Variants in CCDC91 observed in about 807,000 individuals in gnomAD.
The protein encoded by CCDC91 is coiled-coil domain-containing protein 91.
In CCDC91, 48 loss-of-function variants were observed where a neutral mutation model predicts 63.2. The observed-to-expected ratio is 0.76, with a 90% CI of 0.60 to 0.97. The LOEUF (loss-of-function observed/expected upper bound fraction) is 0.97. Among genes scored for constraint, CCDC91 ranks in the 50% least tolerant of loss-of-function variants. The pLI, the probability that CCDC91 is intolerant of heterozygous loss-of-function variation, is 0.00. For missense variants in CCDC91, 500 were observed against 494.6 expected (o/e 1.01, Z -0.10); for synonymous variants, 167 against 165.8 (o/e 1.01, Z -0.06).
chr12:28,495,358 T>A (rs1459611271), intron 12 of CCDC91, among the ~76,000 whole-genome samples: 2 of 151,728 alleles, frequency 1.3e-5, no homozygotes, highest in Non-Finnish European at 2.9e-5. Flanking sequence ...TAAGTTGGAC[T>A]TTTTTGGATG....
chr12:28,394,665 T>C (rs1946171646), intron 8 of CCDC91, among the ~76,000 whole-genome samples: 1 of 149,158 alleles, frequency 6.7e-6, no homozygotes, highest in Non-Finnish European at 1.5e-5. Context: ...ATCTAATAGC[T>C]GGATGGTTCC....
intron 8 of CCDC91, among the ~76,000 whole-genome samples, chr12:28,421,974 C>T (rs1314767312): frequency 6.6e-6 from 1 of 152,060 alleles, no homozygotes; most frequent in Non-Finnish European, 1.5e-5. Context: ...ACTTGTTGTG[C>T]TTTTCTAATT....
At chr12:28,324,955 A>G (rs191309459) in intron 6 of CCDC91, among the ~76,000 whole-genome samples, 1 of 152,028 alleles carries the variant, frequency 6.6e-6, no homozygotes, top group East Asian at 1.9e-4. Flanking sequence ...AATTTTATGA[A>G]CGAATGTCAC....
At chr12:28,351,921 C>T (rs1436548475) in intron 6 of CCDC91, among the ~76,000 whole-genome samples, 5 of 152,142 alleles carry the variant, frequency 3.3e-5, no homozygotes, top group Admixed American at 6.5e-5. Flanking sequence ...TGCTATTAGA[C>T]AAACAAGTTC....
intron 6 of CCDC91, among the ~76,000 whole-genome samples, chr12:28,353,077 C>G (rs1478467712): frequency 1.3e-5 from 2 of 152,232 alleles, no homozygotes; most frequent in Non-Finnish European, 2.9e-5. Context: ...AGTTCTACAT[C>G]AGTACTTGCT....
At chr12:28,458,451 A>G in intron 11 of CCDC91, among the ~76,000 whole-genome samples, 1 of 86,260 alleles carries the variant, frequency 1.2e-5, no homozygotes. Flanking sequence ...CCTCATTTGC[A>G]CACCTTTTTT....
intron 8 of CCDC91, among the ~76,000 whole-genome samples, chr12:28,432,545 T>C (rs1565963197): frequency 6.6e-6 from 1 of 152,122 alleles, no homozygotes; most frequent in Non-Finnish European, 1.5e-5. Context: ...CCAAGCCATG[T>C]GGAACTGTGA....
intron 7 of CCDC91, among the ~76,000 whole-genome samples, chr12:28,366,296 T>A (rs538649407): frequency 2.0e-5 from 3 of 152,284 alleles, no homozygotes; most frequent in African/African-American, 7.2e-5. Context: ...CTTTTTACCC[T>A]TTTTGTCCCA....
chr12:28,549,213 T>C lies in CCDC91; in HGVS notation c.*40T>C. 1 of 1,043,208 alleles carries C rather than the reference T, an allele frequency of 9.6e-7. No homozygotes were observed. Among genetic ancestry groups the C allele is most frequent in the South Asian group, 1.3e-5 (1 of 77,392 alleles). 64.6% of individuals were successfully genotyped at this position (1,043,208 alleles called of 1,614,324 possible). A position where few individuals can be genotyped will look rare whatever the true frequency, so the allele number is the denominator to read the frequency against. ...ACCCACACTGGCATTGGATAAATCA[T>C]ATTACACCTTCAAAATACACACTCT... On this transcript the variant is annotated 3_prime_UTR_variant, in exon 13 of 13. Coordinates refer to ENST00000536442, the MANE Select transcript of CCDC91 (RefSeq NM_018318.5).
intron 12 of CCDC91, among the ~76,000 whole-genome samples, chr12:28,542,998 C>T (rs1262213115): frequency 6.6e-6 from 1 of 151,934 alleles, no homozygotes; most frequent in African/African-American, 2.4e-5. Context: ...GCCAGAAGCC[C>T]CAAATCAAGA....
At chr12:28,385,374 C>T (rs1592508599) in intron 7 of CCDC91, among the ~76,000 whole-genome samples, 1 of 152,174 alleles carries the variant, frequency 6.6e-6, no homozygotes, top group Non-Finnish European at 1.5e-5. Context: ...TTTAGTTACT[C>T]AATGTATTTG....
chr12:28,531,776 A>G (rs999559373), intron 12 of CCDC91, among the ~76,000 whole-genome samples: 4 of 152,134 alleles, frequency 2.6e-5, no homozygotes, highest in South Asian at 2.1e-4. Context: ...CAGCTGCACC[A>G]TGTGCCAGGT....
chr12:28,264,580 T>A (rs1350154578), intron 3 of CCDC91, among the ~76,000 whole-genome samples: 1 of 103,902 alleles, frequency 9.6e-6, no homozygotes, highest in African/African-American at 3.6e-5. Context: ...TATATATATG[T>A]CTGTCTGTGT....
intron 8 of CCDC91, among the ~76,000 whole-genome samples, chr12:28,405,709 A>C (rs1196964136): frequency 6.6e-6 from 1 of 152,162 alleles, no homozygotes; most frequent in East Asian, 1.9e-4. Flanking sequence ...GTGACATCAG[A>C]ATAAAGTTCT....
rs549570795 is a variant in CCDC91 at position 28,460,960 on chromosome 12, A to T, written c.1101+8306A>T. 4.6e-5 allele frequency among the ~76,000 whole-genome samples: 7 copies of T among 152,140 alleles called. No individual in the cohort carries two copies. The South Asian group carries it at 1.5e-3, about 32-fold the overall frequency. On this transcript the variant is annotated intron_variant, in intron 11 of 12. Transcript: ENST00000536442. ...GGAGATTTTGTAATGCAAATCTCAT[A>T]GAGTGTACTTCTAGAAACCTAGGTG... is the stretch of plus-strand genomic sequence containing the variant.
At chr12:28,269,540 C>T (rs1300766794) in intron 3 of CCDC91, among the ~76,000 whole-genome samples, 3 of 152,090 alleles carry the variant, frequency 2.0e-5, no homozygotes, top group Non-Finnish European at 2.9e-5. Context: ...TCAGTGTCTG[C>T]TCCCCCCAAC....
Position 28,388,764 on chromosome 12 carries a change from C to A in CCDC91, c.655-2540C>A, listed in dbSNP as rs144496431. Among the ~76,000 whole-genome samples the A allele has an allele frequency of 9.2e-3, 1,401 of 152,166 alleles. 27 individuals are homozygous for A. The highest frequency in any genetic ancestry group is 0.032 in the African/African-American group (1,332 of 41,510). ...AACAAAAACAAGTGGGGAAAGGACA[C>A]CCTTTTCAACAAATGGTGCTGGGAT... On this transcript the variant is annotated intron_variant, in intron 7 of 12. Coordinates refer to ENST00000536442, the MANE Select transcript of CCDC91 (RefSeq NM_018318.5).
chr12:28,264,146 T>G (rs534662836), intron 3 of CCDC91, among the ~76,000 whole-genome samples: 1 of 151,882 alleles, frequency 6.6e-6, no homozygotes, highest in Non-Finnish European at 1.5e-5. Context: ...TCCTGCTGTA[T>G]GCCAGTAGGT....
At chr12:28,346,521 C>T (rs1942822172) in intron 6 of CCDC91, among the ~76,000 whole-genome samples, 1 of 152,082 alleles carries the variant, frequency 6.6e-6, no homozygotes, top group Non-Finnish European at 1.5e-5. Context: ...CTAACCGTCC[C>T]TTCAGTGTGT....
Sources: gnomAD v4.1 joint callset for allele counts (sites outside exome capture counted in the v4.1 genomes callset) on GRCh38, gnomAD v4.1.1 for gene constraint, MANE v1.5 for transcripts, NCBI Gene and HGNC (gene_info 2026-07-23, HGNC 2026-07-21) for gene names.